Variants in MAP3K15 observed in about 807,000 individuals in gnomAD.
The protein encoded by MAP3K15 is MAPK/ERK kinase kinase 15.
Under a neutral mutation model 99.5 loss-of-function variants are expected in MAP3K15, and 124 were observed. The ratio of observed to expected loss-of-function variants is 1.25; its 90% CI spans 1.08 to 1.45. MAP3K15 has a LOEUF of 1.45. Ranked by LOEUF, MAP3K15 falls within the 40% of genes most tolerant of loss-of-function variation. The probability of loss-of-function intolerance (pLI) is 0.00; values close to 1 mark genes in which losing one functional copy is unlikely to be tolerated. For synonymous variants in MAP3K15, 494 were observed against 439.6 expected (o/e 1.12, Z -1.55); for missense variants, 1,242 against 1,079.7 (o/e 1.15, Z -2.11).
At chrX:19,451,741 G>A (rs2064040557) in intron 6 of MAP3K15, among the ~76,000 whole-genome samples, 1 of 110,014 alleles carries the variant, frequency 9.1e-6, no homozygotes, top group Admixed American at 9.8e-5. Flanking sequence ...GGGCAGGCAC[G>A]ATGGAAAACA....
intron 1 of MAP3K15, among the ~76,000 whole-genome samples, chrX:19,491,401 G>A (rs142527228): frequency 0.014 from 1,590 of 111,258 alleles, 11 homozygotes; most frequent in Middle Eastern, 0.033. Flanking sequence ...ACACCTGAGC[G>A]GAGGGCAATC....
chrX:19,431,464 G>T lies in MAP3K15; in HGVS notation c.1140C>A (p.Asp380Glu). The T allele has an allele frequency of 8.3e-7, 1 of 1,200,180 alleles. No homozygotes were observed. The highest frequency in any genetic ancestry group is 1.8e-5 in the South Asian group (1 of 56,937). The change falls in exon 7 of 29, where the codon GAC becomes GAA. Residue 380 changes from aspartate (D) to glutamate (E), a missense_variant. Physicochemically the swap from Asp to Glu is conservative, Grantham distance 45 (BLOSUM62 2). Coordinates refer to ENST00000338883, the MANE Select transcript of MAP3K15 (RefSeq NM_001001671.4). The stretch of plus-strand genomic sequence containing the variant: ...ACTCAATGGCGCTGTCGCGGCTGGT[G>T]TCATCTTTGCAGTCTGAATCCAAGA... The part of the protein sequence containing the change: ...DIFLDSDCKD[D>E]TSRDSAIEWY...
chrX:19,511,803 C>T (rs1285661811), intron 1 of MAP3K15, among the ~76,000 whole-genome samples: 2 of 111,914 alleles, frequency 1.8e-5, no homozygotes, highest in Non-Finnish European at 3.8e-5. Context: ...TTTGACCCAG[C>T]AATCCCATTG....
Position 19,393,219 on chromosome X carries a change from T to C in MAP3K15, c.2195-746A>G, listed in dbSNP as rs757608189. 1.3e-4 allele frequency among the ~76,000 whole-genome samples: 14 copies of C among 111,374 alleles called. No individual in the cohort carries two copies. The South Asian group carries it at 4.9e-3, about 39-fold the overall frequency. On this transcript the variant is annotated intron_variant, in intron 16 of 28. Coordinates refer to ENST00000338883, the MANE Select transcript of MAP3K15 (RefSeq NM_001001671.4). ...TGGTCTCAGATTCCCACTTACACAGTGTTATGGGACCTTGATCTACCTTGG... is the reference window on the plus strand; with the variant it reads ...TGGTCTCAGATTCCCACTTACACAGCGTTATGGGACCTTGATCTACCTTGG...
chrX:19,511,940 T>C (rs776109515), intron 1 of MAP3K15, among the ~76,000 whole-genome samples: 1 of 112,009 alleles, frequency 8.9e-6, no homozygotes, highest in South Asian at 3.7e-4. Flanking sequence ...AATGATAGAC[T>C]GGATAAAGAA....
chrX:19,421,381 A>C (rs2063782686), intron 9 of MAP3K15, among the ~76,000 whole-genome samples: 1 of 111,054 alleles, frequency 9.0e-6, no homozygotes, highest in South Asian at 3.8e-4. Flanking sequence ...CTTATACACC[A>C]CTAACAGACA....
At chrX:19,367,842 G>A (rs1042403452) in intron 25 of MAP3K15, among the ~76,000 whole-genome samples, 11 of 93,179 alleles carry the variant, frequency 1.2e-4, no homozygotes, top group Non-Finnish European at 1.4e-4. Context: ...TCCGCCTCCC[G>A]GGTTCAAGCA....
At chrX:19,464,488 G>A (rs757921473) in intron 3 of MAP3K15, 82 bp from the exon 4 acceptor site, 2 of 707,424 alleles carry the variant, frequency 2.8e-6, no homozygotes, top group East Asian at 7.0e-5. Context: ...TGGTGGGACA[G>A]GCATGGAGAA....
chrX:19,418,189 G>A (rs1334032231), intron 9 of MAP3K15, among the ~76,000 whole-genome samples: 20 of 112,194 alleles, frequency 1.8e-4, no homozygotes, highest in Admixed American at 2.8e-4. Context: ...AAAGCTGGAC[G>A]GAGAATGACT....
chrX:19,476,101 A>G (rs780880784), intron 3 of MAP3K15, among the ~76,000 whole-genome samples: 20 of 112,546 alleles, frequency 1.8e-4, no homozygotes, highest in Admixed American at 2.8e-4. Flanking sequence ...AGCGAACTTC[A>G]TAATGAGACT....
At chrX:19,367,166 C>T (rs1230108623) in intron 25 of MAP3K15, among the ~76,000 whole-genome samples, 3 of 111,692 alleles carry the variant, frequency 2.7e-5, no homozygotes, top group African/African-American at 3.2e-5. Flanking sequence ...AAAAAAAGAA[C>T]GAGATCATGT....
chrX:19,418,964 A>C (rs1314401367), intron 9 of MAP3K15, among the ~76,000 whole-genome samples: 1 of 111,551 alleles, frequency 9.0e-6, no homozygotes, highest in African/African-American at 3.3e-5. Flanking sequence ...GGAGAAATAA[A>C]ATCCTTTACA....
chrX:19,470,712 T>G (rs1412073063), intron 3 of MAP3K15, among the ~76,000 whole-genome samples: 1 of 111,417 alleles, frequency 9.0e-6, no homozygotes, highest in Non-Finnish European at 1.9e-5. Context: ...ATATATTATC[T>G]GAAATGTCCA....
intron 7 of MAP3K15, among the ~76,000 whole-genome samples, chrX:19,429,472 A>C (rs1407367019): frequency 9.1e-6 from 1 of 110,341 alleles, no homozygotes; most frequent in Non-Finnish European, 1.9e-5. Context: ...GAAAGTTTAG[A>C]CCTAGGAGGG....
intron 2 of MAP3K15, among the ~76,000 whole-genome samples, chrX:19,487,376 G>GA (rs770741571): frequency 5.5e-5 from 6 of 109,105 alleles, no homozygotes; most frequent in East Asian, 5.7e-4. Flanking sequence ...GTCCTAAATT[G>GA]AAAAAAAAAT....
intron 13 of MAP3K15, 148 bp downstream of exon 13, chrX:19,407,040 A>G: frequency 2.5e-6 from 1 of 393,057 alleles, no homozygotes. Context: ...CTGCTATGTG[A>G]ATTACAGAAA....
chrX:19,415,138 GT>G lies in MAP3K15; in HGVS notation c.1558del (p.Thr520GlnfsTer15). ...NFWLDIIFEA[T>X]NEVTNGLRFP... is the part of the protein sequence containing the mutation. ...TCTGAGTCCATTAGTGACTTCATTT[GT>G]TGCCTCAAAAATTATATCTAACCAG... is the stretch of plus-strand genomic sequence containing the variant. On this transcript the variant is annotated frameshift_variant, in exon 10 of 29. Transcript: ENST00000338883. LOFTEE classifies it high-confidence loss of function. 8.5e-7 allele frequency: 1 copy of G among 1,173,691 alleles called. No individual in the cohort carries two copies. The highest frequency in any genetic ancestry group is 1.1e-6 in the Non-Finnish European group (1 of 881,835).
chrX:19,389,502 G>A (rs1027044206), intron 18 of MAP3K15, among the ~76,000 whole-genome samples: 1 of 111,150 alleles, frequency 9.0e-6, no homozygotes, highest in Non-Finnish European at 1.9e-5. Flanking sequence ...CCAACCAGCT[G>A]AGATTTCCTT....
chrX:19,460,745 GTTTT>G (rs1196740643), intron 4 of MAP3K15, among the ~76,000 whole-genome samples: 2 of 105,623 alleles, frequency 1.9e-5, no homozygotes, highest in Admixed American at 1.0e-4. Flanking sequence ...CAGATGTTCT[GTTTT>G]TTTGTTTTTT....
Sources: allele counts gnomAD v4.1 joint callset (sites outside exome capture counted in the v4.1 genomes callset), GRCh38; gene constraint gnomAD v4.1.1; transcripts MANE v1.5; gene names NCBI Gene and HGNC (gene_info 2026-07-23, HGNC 2026-07-21).